BMAL2: variants seen among roughly 807,000 people sequenced by gnomAD.
The protein encoded by BMAL2 is basic helix-loop-helix ARNT like 2.
At chr12:27,361,537 A>G in the BMAL2 span, among the ~76,000 whole-genome samples, 7 of 152,234 alleles carry the variant, frequency 4.6e-5, no homozygotes, top group Non-Finnish European at 1.0e-4. Context: ...ACATTAAGTC[A>G]TATACTTCCA....
the BMAL2 span, among the ~76,000 whole-genome samples, chr12:27,397,438 C>T: frequency 1.3e-5 from 2 of 152,120 alleles, no homozygotes; most frequent in African/African-American, 4.8e-5. Context: ...TGTTTTTCTT[C>T]CCTTTTACCA....
At chr12:27,348,968 T>C in the BMAL2 span, among the ~76,000 whole-genome samples, 1 of 152,176 alleles carries the variant, frequency 6.6e-6, no homozygotes, top group Non-Finnish European at 1.5e-5. Context: ...GATTTTGACG[T>C]TGGGGAACAG....
At chr12:27,351,597 A>T in the BMAL2 span, among the ~76,000 whole-genome samples, 64 of 152,190 alleles carry the variant, frequency 4.2e-4, 1 homozygote, top group Non-Finnish European at 1.8e-4. Flanking sequence ...CCAGGGCCAG[A>T]TACCAGATCC....
At chr12:27,347,761 TTAGGATCAGC>T in the BMAL2 span, among the ~76,000 whole-genome samples, 1 of 152,186 alleles carries the variant, frequency 6.6e-6, no homozygotes. Flanking sequence ...TGCCATGCCC[TTAGGATCAGC>T]TAGGAAGAAC....
the BMAL2 span, among the ~76,000 whole-genome samples, chr12:27,381,881 A>G: frequency 1.3e-5 from 2 of 152,218 alleles, no homozygotes; most frequent in African/African-American, 2.4e-5. Flanking sequence ...ATTTGGCTCA[A>G]AAATCATAAA....
chr12:27,398,922 T>C, the BMAL2 span, among the ~76,000 whole-genome samples: 1 of 152,208 alleles, frequency 6.6e-6, no homozygotes, highest in Non-Finnish European at 1.5e-5. Context: ...TATTCGTACT[T>C]ACTCAATTTT....
chr12:27,402,736 A>G, the BMAL2 span: 38 of 1,469,168 alleles, frequency 2.6e-5, no homozygotes, highest in Non-Finnish European at 3.6e-5. Flanking sequence ...TAAGACTATT[A>G]CTATCTTTTT....
chr12:27,335,282 A>G, the BMAL2 span, among the ~76,000 whole-genome samples: 1 of 152,124 alleles, frequency 6.6e-6, no homozygotes, highest in African/African-American at 2.4e-5. Flanking sequence ...TCAGTTTTAG[A>G]TGGTAAACAC....
chr12:27,352,552 T>G, the BMAL2 span, among the ~76,000 whole-genome samples: 1 of 115,460 alleles, frequency 8.7e-6, no homozygotes, highest in Admixed American at 9.9e-5. Context: ...CATAAACCAC[T>G]CCTACTCAAC....
the BMAL2 span, chr12:27,401,526 C>T: frequency 3.7e-5 from 58 of 1,588,426 alleles, no homozygotes; most frequent in Non-Finnish European, 4.9e-5. Context: ...TCGTTAAGTT[C>T]TACAGAGTAA....
the BMAL2 span, among the ~76,000 whole-genome samples, chr12:27,356,908 C>A: frequency 4.6e-5 from 7 of 152,128 alleles, no homozygotes; most frequent in African/African-American, 9.6e-5. Flanking sequence ...CTCACCCCCC[C>A]ACCCTTTCCC....
chr12:27,407,596 G>A, the BMAL2 span, among the ~76,000 whole-genome samples: 5 of 152,266 alleles, frequency 3.3e-5, no homozygotes, highest in Non-Finnish European at 5.9e-5. Flanking sequence ...TCAAAGCAGT[G>A]TGTAGAGGGA....
chr12:27,380,353 G>A, the BMAL2 span: 1 of 1,614,170 alleles, frequency 6.2e-7, no homozygotes, highest in Non-Finnish European at 8.5e-7. Flanking sequence ...GCGTAAACTG[G>A]ACAAACTTAC....
the BMAL2 span, among the ~76,000 whole-genome samples, chr12:27,340,405 A>T: frequency 6.6e-6 from 1 of 152,166 alleles, no homozygotes; most frequent in Non-Finnish European, 1.5e-5. Flanking sequence ...GTCGAAGATC[A>T]CATGGTTGTA....
At chr12:27,338,668 G>T in the BMAL2 span, among the ~76,000 whole-genome samples, 1 of 152,212 alleles carries the variant, frequency 6.6e-6, no homozygotes, top group Non-Finnish European at 1.5e-5. Context: ...CTGTGATGAG[G>T]CATGGACAGT....
chr12:27,347,425 TTAG>T, the BMAL2 span, among the ~76,000 whole-genome samples: 2 of 152,164 alleles, frequency 1.3e-5, no homozygotes, highest in Admixed American at 1.3e-4. Context: ...GGAGGATCTG[TTAG>T]ATTTTTGAGT....
the BMAL2 span, among the ~76,000 whole-genome samples, chr12:27,396,938 C>G: frequency 1.8e-4 from 27 of 152,312 alleles, no homozygotes; most frequent in Admixed American, 9.8e-4. Context: ...GTCATTTTGT[C>G]TTCTGCTTTA....
At chr12:27,376,786 T>C in the BMAL2 span, among the ~76,000 whole-genome samples, 1 of 151,382 alleles carries the variant, frequency 6.6e-6, no homozygotes, top group Non-Finnish European at 1.5e-5. Context: ...GGATCACGAG[T>C]TCAGGAGATC....
chr12:27,396,274 A>G, the BMAL2 span, among the ~76,000 whole-genome samples: 25 of 152,324 alleles, frequency 1.6e-4, 1 homozygote, highest in African/African-American at 5.3e-4. Context: ...AATAAATGGT[A>G]GCTATTTGCA....
Sources: allele counts gnomAD v4.1 joint callset (sites outside exome capture counted in the v4.1 genomes callset), GRCh38; gene constraint gnomAD v4.1.1; transcripts MANE v1.5; gene names NCBI Gene and HGNC (gene_info 2026-07-23, HGNC 2026-07-21).